Variants in USP24 observed in about 807,000 individuals in gnomAD.
USP24 encodes ubiquitin carboxyl-terminal hydrolase 24.
USP24 carries 97 observed loss-of-function variants against 361.6 expected under a neutral mutation model. That is an observed-to-expected ratio of 0.27 (90% CI 0.23 to 0.32). USP24 has a LOEUF of 0.32. Among genes scored for constraint, USP24 ranks in the 10% least tolerant of loss-of-function variants. USP24 has a pLI of 1.00. For synonymous variants in USP24, 1,098 were observed against 1,124.6 expected, an observed-to-expected ratio of 0.98 and a Z score of 0.47; for missense variants, 2,353 against 3,165.6, an observed-to-expected ratio of 0.74 and a Z score of 6.16.
In USP24 at chr1:55,070,645, G is replaced by A. The variant is rs370137552; in HGVS notation, c.7800+1169C>T. Among the ~76,000 whole-genome samples the A allele has an allele frequency of 9.2e-5, 14 of 152,316 alleles. No homozygotes were observed. In the South Asian group the frequency reaches 2.7e-3, roughly 29 times the overall value. ...GAAAGTTAAGTTTAGAGAATTAGTC[G>A]AAGTTTGGCTGCAAAGAAGAGAAAA... On this transcript the variant is annotated intron_variant, in intron 67 of 67. Coordinates refer to ENST00000294383, the MANE Select transcript of USP24 (RefSeq NM_015306.3).
intron 1 of USP24, among the ~76,000 whole-genome samples, chr1:55,207,940 C>G (rs1456815663): frequency 1.3e-5 from 2 of 152,164 alleles, no homozygotes; most frequent in African/African-American, 4.8e-5. Flanking sequence ...TGGTGAGTAC[C>G]TAAAATATTA....
At chr1:55,143,273 T>C (rs897603989) in intron 21 of USP24, among the ~76,000 whole-genome samples, 154 bp from the exon 22 acceptor site, 2 of 152,226 alleles carry the variant, frequency 1.3e-5, no homozygotes, top group Non-Finnish European at 2.9e-5. Context: ...AATAATATTA[T>C]ACTGATATGG....
At chr1:55,115,294 G>A (rs962230936) in intron 38 of USP24, among the ~76,000 whole-genome samples, 11 of 151,838 alleles carry the variant, frequency 7.2e-5, no homozygotes, top group East Asian at 1.9e-4. Context: ...CGAGGCGGGC[G>A]AATCACGAGG....
At position 55,101,574 on chromosome 1, in the gene USP24, A is replaced by G. The variant is rs370188474; in HGVS notation, c.5145+10T>C. ...CTATCGTACCAAAAAGGATAGAAAA[A>G]AGAAATCACCTCAGGGAGCCCAGGT... is the stretch of plus-strand genomic sequence containing the variant. On this transcript the variant is annotated intron_variant, in intron 43 of 67. Coordinates refer to ENST00000294383, the MANE Select transcript of USP24 (RefSeq NM_015306.3). The G allele has an allele frequency of 2.6e-5, 42 of 1,601,454 alleles. No homozygotes were observed. The East Asian group carries it at 4.9e-4, about 19-fold the overall frequency.
At chr1:55,192,362 T>C (rs1343189115) in intron 1 of USP24, among the ~76,000 whole-genome samples, 1 of 152,194 alleles carries the variant, frequency 6.6e-6, no homozygotes, top group African/African-American at 2.4e-5. Flanking sequence ...TTATTCAACT[T>C]AACGGATAAG....
In USP24 at chr1:55,174,828, A is replaced by AT. The variant is rs72498946; in HGVS notation, c.558+1547_558+1548insA. Among the ~76,000 whole-genome samples, 4 of 4,638 alleles carry AT rather than the reference A, an allele frequency of 8.6e-4. No homozygotes were observed. In the Non-Finnish European group the frequency reaches 0.026, roughly 31 times the overall value. 3.0% of individuals were successfully genotyped at this position (4,638 alleles called of 152,430 possible). ...TAAATTTTGTAGAGACAGGGGTCTC[A>AT]CATGTTGCCCAGGCTGGTCTGAAAC... On this transcript the variant is annotated intron_variant, in intron 3 of 67. Coordinates refer to ENST00000294383, the MANE Select transcript of USP24 (RefSeq NM_015306.3).
chr1:55,143,179 C>T (rs536220716), intron 21 of USP24, 60 bp from the exon 22 acceptor site: 4 of 1,283,100 alleles, frequency 3.1e-6, no homozygotes, highest in Non-Finnish European at 4.1e-6. Flanking sequence ...GTTACAAAAT[C>T]ACAGATAATT....
chr1:55,153,980 A>G, intron 15 of USP24, 63 bp from the exon 16 acceptor site: 1 of 1,544,622 alleles, frequency 6.5e-7, no homozygotes, highest in South Asian at 1.2e-5. Flanking sequence ...TAATTTCCCG[A>G]TCTTGGACTT....
At chr1:55,193,473 G>A (rs1644340724) in intron 1 of USP24, among the ~76,000 whole-genome samples, 1 of 152,146 alleles carries the variant, frequency 6.6e-6, no homozygotes, top group African/African-American at 2.4e-5. Context: ...TAATATTTAA[G>A]GTTTGGGACA....
intron 2 of USP24, among the ~76,000 whole-genome samples, chr1:55,177,728 G>A (rs553152164): frequency 1.3e-5 from 2 of 152,100 alleles, no homozygotes; most frequent in African/African-American, 4.8e-5. Flanking sequence ...TGTGGAAAAA[G>A]TTAATTTCAA....
chr1:55,144,375 C>A (rs1047915518), intron 20 of USP24, among the ~76,000 whole-genome samples, 172 bp from the exon 21 acceptor site: 9 of 152,012 alleles, frequency 5.9e-5, no homozygotes, highest in Admixed American at 5.2e-4. Flanking sequence ...CAGATATAAT[C>A]AAAATTAAGT....
chr1:55,120,531 C>G (rs943085763), intron 38 of USP24, 65 bp downstream of exon 38: 2 of 1,448,524 alleles, frequency 1.4e-6, no homozygotes, highest in African/African-American at 1.4e-5. Flanking sequence ...TTCAGGGGAG[C>G]AGCACACAAA....
At chr1:55,174,651 C>G (rs1367986433) in intron 3 of USP24, among the ~76,000 whole-genome samples, 1 of 152,244 alleles carries the variant, frequency 6.6e-6, no homozygotes, top group African/African-American at 2.4e-5. Flanking sequence ...GGACTGGATA[C>G]ACGGATTTCT....
chr1:55,197,768 C>T (rs1644459657), intron 1 of USP24, among the ~76,000 whole-genome samples: 1 of 152,198 alleles, frequency 6.6e-6, no homozygotes, highest in African/African-American at 2.4e-5. Flanking sequence ...ATATAGTGAC[C>T]AGGTGCTTAG....
chr1:55,202,050 A>G (rs1015084927), intron 1 of USP24, among the ~76,000 whole-genome samples: 2 of 152,232 alleles, frequency 1.3e-5, no homozygotes, highest in African/African-American at 2.4e-5. Context: ...ATGCACGTGC[A>G]CAGGCAAGGA....
chr1:55,155,860 C>G (rs943960070), intron 12 of USP24, among the ~76,000 whole-genome samples: 1 of 152,122 alleles, frequency 6.6e-6, no homozygotes, highest in Admixed American at 6.6e-5. Flanking sequence ...TTTGACAGTT[C>G]CAGCACTTAA....
Position 55,089,545 on chromosome 1 carries a change from T to G in USP24, c.6668+82A>C, listed in dbSNP as rs992589742. The G allele has an allele frequency of 4.4e-6, 4 of 903,180 alleles. No individual in the cohort carries two copies. The African/African-American group carries it at 6.8e-5, about 15-fold the overall frequency. The allele number at this position is 903,180 out of a possible 1,614,324, so 55.9% of individuals were successfully genotyped here. On this transcript the variant is annotated intron_variant, in intron 55 of 67. Coordinates refer to ENST00000294383, the MANE Select transcript of USP24 (RefSeq NM_015306.3). ...GCAGAACAATAATTTCAAGTTGAAA[T>G]AAAAAGGGTTATAAGAAACTTCAGC...
intron 1 of USP24, among the ~76,000 whole-genome samples, chr1:55,185,538 T>A (rs1204864264): frequency 4.6e-5 from 7 of 152,076 alleles, no homozygotes; most frequent in African/African-American, 1.7e-4. Flanking sequence ...ATAATAAGAA[T>A]GAAAGAAAAA....
intron 30 of USP24, among the ~76,000 whole-genome samples, chr1:55,133,025 A>T (rs1237756488): frequency 6.6e-6 from 1 of 152,214 alleles, no homozygotes; most frequent in East Asian, 1.9e-4. Flanking sequence ...TAAAATTATA[A>T]GATTGCTAAA....
Sources: gnomAD v4.1 joint callset for allele counts (sites outside exome capture counted in the v4.1 genomes callset) on GRCh38, gnomAD v4.1.1 for gene constraint, MANE v1.5 for transcripts, NCBI Gene and HGNC (gene_info 2026-07-23, HGNC 2026-07-21) for gene names.